The following RGSL1 variants were observed in gnomAD, a reference collection of about 807,000 sequenced individuals.
The protein encoded by RGSL1 is regulator of G protein signaling protein-like.
A neutral mutation model predicts 124.7 loss-of-function variants in RGSL1; 97 were observed. That is an observed-to-expected ratio of 0.78 (90% confidence interval 0.66 to 0.92). The LOEUF (loss-of-function observed/expected upper bound fraction) is 0.92, where lower values mean the gene tolerates loss of function less well. RGSL1 is among the 40% of genes least tolerant of loss of function. RGSL1 has a pLI of 0.00. For missense variants in RGSL1, 1,233 were observed against 1,288.4 expected (o/e 0.96, Z 0.66); for synonymous variants, 424 against 438.1 (o/e 0.97, Z 0.40).
intron 6 of RGSL1, among the ~76,000 whole-genome samples, chr1:182,481,217 AAG>A (rs937919476): frequency 1.1e-4 from 17 of 152,114 alleles, no homozygotes; most frequent in Non-Finnish European, 1.5e-5. Context: ...GCTTAAAAAA[AAG>A]AGAGAGAAGT....
intron 9 of RGSL1, among the ~76,000 whole-genome samples, chr1:182,494,552 T>C (rs574876110): frequency 6.6e-6 from 1 of 152,330 alleles, no homozygotes; most frequent in Non-Finnish European, 1.5e-5. Context: ...CATTATATTT[T>C]TATTGGACAG....
chr1:182,556,977 A>G (rs935267913), intron 21 of RGSL1, among the ~76,000 whole-genome samples: 11 of 152,236 alleles, frequency 7.2e-5, no homozygotes, highest in African/African-American at 1.7e-4. Context: ...TTTCTGGCCA[A>G]AGCTTCCTGC....
At chr1:182,471,524 G>T (rs1653840900) in intron 4 of RGSL1, 1 of 355,666 alleles carries the variant, frequency 2.8e-6, no homozygotes. Flanking sequence ...AAAAATCTTT[G>T]AAAACTGAGG....
intron 14 of RGSL1, among the ~76,000 whole-genome samples, chr1:182,534,552 G>C (rs750292317): frequency 6.6e-6 from 1 of 152,144 alleles, no homozygotes; most frequent in Non-Finnish European, 1.5e-5. Flanking sequence ...AGCAGGCTGG[G>C]CACGGTGGCT....
intron 8 of RGSL1, among the ~76,000 whole-genome samples, chr1:182,491,937 C>A (rs894435544): frequency 6.6e-6 from 1 of 152,158 alleles, no homozygotes; most frequent in South Asian, 2.1e-4. Flanking sequence ...ATCTCAGCCT[C>A]ATTGTCTCAC....
intron 5 of RGSL1, 65 bp downstream of exon 5, chr1:182,472,622 C>A: frequency 1.4e-6 from 2 of 1,429,262 alleles, no homozygotes; most frequent in Non-Finnish European, 9.4e-7. Flanking sequence ...GTCTGATAAT[C>A]CTCAGTCTCC....
intron 11 of RGSL1, among the ~76,000 whole-genome samples, chr1:182,529,808 T>C (rs1456178605): frequency 6.6e-6 from 1 of 152,140 alleles, no homozygotes; most frequent in Non-Finnish European, 1.5e-5. Flanking sequence ...TTTTCAAGTC[T>C]CATTAATGAA....
In RGSL1 at chr1:182,450,719, T is replaced by C. The variant is rs538871441; in HGVS notation, c.13+541T>C. The C allele has an allele frequency of 1.8e-5, 3 of 168,338 alleles. No individual in the cohort carries two copies. The East Asian group carries it at 4.5e-4, about 25-fold the overall frequency. The allele number at this position is 168,338 out of a possible 1,614,324, so 10.4% of individuals were successfully genotyped here. ...GGCCCCTTGCCACCAGCGGTGTGTG[T>C]AGCTGTGAACAACAATCACTAGGGA... On this transcript the variant is annotated intron_variant, in intron 1 of 21. Transcript: ENST00000294854.
Position 182,540,386 on chromosome 1 carries a change from G to T in RGSL1, c.2634G>T (p.Ala878=). Residue 878 remains alanine, a synonymous_variant, in exon 15 of 22, where the codon GCG becomes GCT. Coordinates refer to ENST00000294854, the MANE Select transcript of RGSL1 (RefSeq NM_001137669.2). ...FGHRIITVNF[A]INDLYFFSEM... ...ACAGGATTATCACTGTCAACTTTGC[G>T]ATCAATGATCTATATTTCTTTTCTG... is the stretch of plus-strand genomic sequence containing the variant. The T allele has an allele frequency of 6.4e-7, 1 of 1,550,900 alleles. No individual in the cohort carries two copies. Among genetic ancestry groups the T allele is most frequent in the Non-Finnish European group, 8.7e-7 (1 of 1,146,602 alleles).
intron 14 of RGSL1, among the ~76,000 whole-genome samples, chr1:182,534,248 C>T (rs1217092205): frequency 1.3e-5 from 2 of 152,166 alleles, no homozygotes; most frequent in African/African-American, 4.8e-5. Flanking sequence ...TCTTGCCAAC[C>T]ATATAAACTA....
upstream of RGSL1, among the ~76,000 whole-genome samples, chr1:182,449,946 T>G (rs1328404544): frequency 1.3e-5 from 2 of 152,274 alleles, no homozygotes; most frequent in Middle Eastern, 3.4e-3. Context: ...GGCTTAAGTA[T>G]AGGAGGAGTC....
In RGSL1 at chr1:182,474,248, T is replaced by C; in HGVS notation, c.1137T>C (p.Cys379=). The C allele has an allele frequency of 6.4e-7, 1 of 1,551,862 alleles. No homozygotes were observed. Among genetic ancestry groups the C allele is most frequent in the Non-Finnish European group, 8.7e-7 (1 of 1,147,002 alleles). Reference sequence around the variant, plus strand: ...ACTTGGCCTTGTGTGCTGATGCCTGTGCAGGGAACCCTTTCCGGGACCACC... The same window carrying C: ...ACTTGGCCTTGTGTGCTGATGCCTGCGCAGGGAACCCTTTCCGGGACCACC... The part of the protein sequence containing the change: ...YIHLALCADA[C]AGNPFRDHLK... The change falls in exon 6 of 22, where the codon TGT becomes TGC. Residue 379 remains cysteine, a synonymous_variant. Transcript: ENST00000294854.
intron 9 of RGSL1, among the ~76,000 whole-genome samples, chr1:182,516,663 C>T (rs1241419130): frequency 6.6e-6 from 1 of 151,510 alleles, no homozygotes; most frequent in African/African-American, 2.4e-5. Context: ...CTTATAGATA[C>T]GTTATTTTAT....
At chr1:182,470,942 C>T (rs1214932113) in intron 4 of RGSL1, among the ~76,000 whole-genome samples, 2 of 152,088 alleles carry the variant, frequency 1.3e-5, no homozygotes, top group Non-Finnish European at 2.9e-5. Context: ...CTATATTCAA[C>T]TAACCCCCTT....
At chr1:182,557,154 G>T (rs1345280450) in intron 21 of RGSL1, among the ~76,000 whole-genome samples, 9 of 152,180 alleles carry the variant, frequency 5.9e-5, no homozygotes, top group Admixed American at 4.6e-4. Context: ...CTGAAAAAAG[G>T]CCAGGTGTGG....
intron 9 of RGSL1, among the ~76,000 whole-genome samples, chr1:182,493,639 A>C (rs1265940735): frequency 6.6e-6 from 1 of 152,126 alleles, no homozygotes; most frequent in Non-Finnish European, 1.5e-5. Flanking sequence ...TAAGAAATTT[A>C]ATTTGGGCTT....
At chr1:182,508,300 T>TG (rs1431146065) in intron 9 of RGSL1, among the ~76,000 whole-genome samples, 6 of 137,626 alleles carry the variant, frequency 4.4e-5, no homozygotes, top group South Asian at 2.4e-4. Flanking sequence ...GTTTTTTTTT[T>TG]TTTTTTTTTT....
chr1:182,539,517 C>T (rs982501726), intron 14 of RGSL1, among the ~76,000 whole-genome samples: 6 of 152,272 alleles, frequency 3.9e-5, no homozygotes, highest in Non-Finnish European at 8.8e-5. Flanking sequence ...GAACAGCACT[C>T]CAGAATAAAG....
rs1277356610 is a variant in RGSL1 at position 182,465,624 on chromosome 1, A to T, written c.301+5491A>T. Among the ~76,000 whole-genome samples the T allele has an allele frequency of 1.4e-4, 21 of 152,142 alleles. 2 individuals are homozygous for T. Among genetic ancestry groups the T allele is most frequent in the Admixed American group, 1.4e-3 (21 of 15,282 alleles). On this transcript the variant is annotated intron_variant, in intron 4 of 21. Transcript: ENST00000294854. ...CTTAAAATATAATAATAATAATAAA[A>T]ATCTGAGTAGACCTATAACTAGCAA...
Sources: gnomAD v4.1 joint callset for allele counts (sites outside exome capture counted in the v4.1 genomes callset) on GRCh38, gnomAD v4.1.1 for gene constraint, MANE v1.5 for transcripts, NCBI Gene and HGNC (gene_info 2026-07-23, HGNC 2026-07-21) for gene names.